TAB2: variants seen among roughly 807,000 people sequenced by gnomAD.
TAB2 encodes TGF-beta-activated kinase 1 and MAP3K7-binding protein 2.
TAB2 carries 3 observed loss-of-function variants against 65.0 expected under a neutral mutation model. The observed-to-expected ratio is 0.05, with a 90% CI of 0.02 to 0.12. The LOEUF (loss-of-function observed/expected upper bound fraction) is 0.12, where lower values mean the gene tolerates loss of function less well. Among genes scored for constraint, TAB2 ranks in the 10% least tolerant of loss-of-function variants. The pLI, the probability that TAB2 is intolerant of heterozygous loss-of-function variation, is 1.00. For synonymous variants in TAB2, 298 were observed against 285.1 expected (o/e 1.05, Z -0.46); for missense variants, 623 against 840.3 (o/e 0.74, Z 3.20).
intron 1 of TAB2, among the ~76,000 whole-genome samples, chr6:149,319,613 C>G (rs746522498): frequency 6.6e-6 from 1 of 152,154 alleles, no homozygotes; most frequent in East Asian, 1.9e-4. Context: ...TCCAGTGATT[C>G]AGAACTTCTG....
intron 1 of TAB2, among the ~76,000 whole-genome samples, chr6:149,252,688 T>C (rs745512696): frequency 3.3e-5 from 5 of 152,236 alleles, no homozygotes; most frequent in Admixed American, 3.3e-4. Flanking sequence ...GACAAGTATT[T>C]GCTCGTCTCA....
At chr6:149,369,878 C>T in intron 1 of TAB2, 31 bp from the exon 2 acceptor site, 1 of 788,030 alleles carries the variant, frequency 1.3e-6, no homozygotes, top group Non-Finnish European at 2.2e-6. Context: ...ATAATCAGTT[C>T]TCATTAAAAT....
intron 3 of TAB2, among the ~76,000 whole-genome samples, chr6:149,390,392 A>G (rs1009965004): frequency 2.0e-5 from 3 of 152,218 alleles, no homozygotes; most frequent in Non-Finnish European, 4.4e-5. Flanking sequence ...CTTTGTATCT[A>G]CAAGTCCCTA....
intron 1 of TAB2, among the ~76,000 whole-genome samples, chr6:149,290,922 A>T (rs1407098503): frequency 6.6e-6 from 1 of 152,234 alleles, no homozygotes; most frequent in African/African-American, 2.4e-5. Context: ...TGAACGAATG[A>T]ATTATTTCAG....
At chr6:149,377,577 A>G (rs927101829) in intron 2 of TAB2, among the ~76,000 whole-genome samples, 5 of 152,252 alleles carry the variant, frequency 3.3e-5, no homozygotes, top group East Asian at 1.9e-4. Context: ...ACAAATGTGT[A>G]TAGCACTTGA....
intron 3 of TAB2, among the ~76,000 whole-genome samples, chr6:149,388,809 A>C (rs1029076631): frequency 1.3e-5 from 2 of 152,090 alleles, no homozygotes; most frequent in African/African-American, 2.4e-5. Context: ...CCTTTTAGTT[A>C]GTCAATAAAA....
intron 3 of TAB2, 124 bp downstream of exon 3, chr6:149,379,642 T>A: frequency 1.1e-6 from 1 of 874,014 alleles, no homozygotes; most frequent in Non-Finnish European, 1.9e-6. Flanking sequence ...CCAAATGATG[T>A]TATTGTAACA....
Position 149,301,770 on chromosome 6 carries a change from T to C in TAB2, c.-120-76248T>C, listed in dbSNP as rs116696958. On this transcript the variant is annotated intron_variant, in intron 1 of 1. Transcript: ENST00000606202. Reference sequence around the variant, plus strand: ...CTACTTTTCAACAAACACTATTTACTGAACATGTTACAACCTTTAAAATCT... The same window carrying C: ...CTACTTTTCAACAAACACTATTTACCGAACATGTTACAACCTTTAAAATCT... Among the ~76,000 whole-genome samples the C allele has an allele frequency of 8.0e-3, 1,223 of 152,334 alleles. 27 individuals are homozygous for C. The highest frequency in any genetic ancestry group is 0.027 in the African/African-American group (1,131 of 41,576).
At chr6:149,226,446 G>C (rs780043037) in intron 1 of TAB2, among the ~76,000 whole-genome samples, 2 of 152,168 alleles carry the variant, frequency 1.3e-5, no homozygotes, top group Non-Finnish European at 2.9e-5. Context: ...CTATTCCGTG[G>C]TCAGTCCCCA....
intron 1 of TAB2, among the ~76,000 whole-genome samples, chr6:149,295,166 C>G (rs1225573357): frequency 1.3e-5 from 2 of 152,284 alleles, no homozygotes; most frequent in Non-Finnish European, 2.9e-5. Context: ...TTGTGAGAGA[C>G]CTGATTTCTT....
At chr6:149,284,668 ACACACACAC>A (rs1778637193) in intron 1 of TAB2, among the ~76,000 whole-genome samples, 1 of 150,358 alleles carries the variant, frequency 6.7e-6, no homozygotes, top group Non-Finnish European at 1.5e-5. Flanking sequence ...ACACACACAC[ACACACACAC>A]ACACACACAC....
intron 1 of TAB2, among the ~76,000 whole-genome samples, chr6:149,282,121 G>A (rs1778587524): frequency 1.3e-5 from 2 of 151,604 alleles, no homozygotes; most frequent in Admixed American, 1.3e-4. Flanking sequence ...AGCCAAGATT[G>A]CACCACTGCA....
chr6:149,324,984 A>G (rs1038189539), intron 1 of TAB2, among the ~76,000 whole-genome samples: 1 of 152,090 alleles, frequency 6.6e-6, no homozygotes, highest in African/African-American at 2.4e-5. Flanking sequence ...TTTTTTATAG[A>G]GACAGGATCT....
chr6:149,276,987 C>T (rs1479146976), intron 1 of TAB2, among the ~76,000 whole-genome samples: 2 of 152,238 alleles, frequency 1.3e-5, no homozygotes, highest in East Asian at 3.9e-4. Context: ...GAATATGTCT[C>T]ACAAGATCTG....
chr6:149,337,103 G>T (rs1779957521), intron 1 of TAB2, among the ~76,000 whole-genome samples: 1 of 151,918 alleles, frequency 6.6e-6, no homozygotes, highest in African/African-American at 2.4e-5. Flanking sequence ...TATAATTTAT[G>T]CATATTACTA....
chr6:149,303,462 G>A (rs1235346005), intron 1 of TAB2, among the ~76,000 whole-genome samples: 1 of 151,982 alleles, frequency 6.6e-6, no homozygotes, highest in Non-Finnish European at 1.5e-5. Context: ...TATTTTGGTT[G>A]GAAAAATGTA....
intron 1 of TAB2, chr6:149,257,465 ACT>A (rs1223031408): frequency 1.3e-5 from 2 of 151,760 alleles, no homozygotes. Flanking sequence ...CTTTAAAATG[ACT>A]CTGCTTTTTC....
At chr6:149,361,670 A>G (rs967943205) in intron 1 of TAB2, among the ~76,000 whole-genome samples, 2 of 152,146 alleles carry the variant, frequency 1.3e-5, no homozygotes, top group African/African-American at 4.8e-5. Context: ...CTCCCGAAAA[A>G]GCCTTTTCTT....
intron 1 of TAB2, among the ~76,000 whole-genome samples, chr6:149,258,416 TACACACAC>T (rs56710457): frequency 0.022 from 3,203 of 146,270 alleles, 114 homozygotes; most frequent in African/African-American, 0.071. Flanking sequence ...CATGACTGCC[TACACACAC>T]ACACACACAC....
Sources: gnomAD v4.1 joint callset for allele counts (sites outside exome capture counted in the v4.1 genomes callset) on GRCh38, gnomAD v4.1.1 for gene constraint, MANE v1.5 for transcripts, NCBI Gene and HGNC (gene_info 2026-07-23, HGNC 2026-07-21) for gene names.